GPC5: variants seen among roughly 807,000 people sequenced by gnomAD.
GPC5 encodes the protein glypican-5.
In GPC5, 47 loss-of-function variants were observed where a neutral mutation model predicts 53.9. That is an observed-to-expected ratio of 0.87 (90% CI 0.69 to 1.11). The LOEUF (loss-of-function observed/expected upper bound fraction) is 1.11. Ranked by LOEUF, GPC5 falls within the 50% of genes most tolerant of loss-of-function variation. The probability of loss-of-function intolerance (pLI) is 0.00; values close to 1 mark genes in which losing one functional copy is unlikely to be tolerated. For missense variants in GPC5, 748 were observed against 713.1 expected (o/e 1.05, Z -0.56); for synonymous variants, 286 against 263.3 (o/e 1.09, Z -0.84).
intron 7 of GPC5, among the ~76,000 whole-genome samples, chr13:92,564,634 A>G (rs186687354): frequency 6.6e-6 from 1 of 152,068 alleles, no homozygotes; most frequent in Non-Finnish European, 1.5e-5. Context: ...GGTAGTGAGC[A>G]GAGTACCCAA....
chr13:92,166,703 C>G (rs980330672), intron 7 of GPC5, among the ~76,000 whole-genome samples: 3 of 152,010 alleles, frequency 2.0e-5, no homozygotes, highest in African/African-American at 7.3e-5. Flanking sequence ...AATAGAATAC[C>G]CTTGATGAGT....
chr13:92,864,827 A>AT, intron 7 of GPC5, among the ~76,000 whole-genome samples: 1 of 152,302 alleles, frequency 6.6e-6, no homozygotes, highest in South Asian at 2.1e-4. Flanking sequence ...TAGTGCTCTC[A>AT]TGTCTGAATG....
intron 5 of GPC5, among the ~76,000 whole-genome samples, chr13:91,793,200 T>C (rs2037995844): frequency 6.6e-6 from 1 of 152,106 alleles, no homozygotes; most frequent in African/African-American, 2.4e-5. Flanking sequence ...ACATTCTTCT[T>C]CACATGGTGG....
At chr13:92,497,187 T>G (rs566077426) in intron 7 of GPC5, among the ~76,000 whole-genome samples, 1 of 152,348 alleles carries the variant, frequency 6.6e-6, no homozygotes, top group African/African-American at 2.4e-5. Context: ...CCAATGCCTG[T>G]GTCCTGATTG....
intron 7 of GPC5, chr13:92,240,105 C>G (rs924468977): frequency 8.6e-5 from 13 of 152,002 alleles, no homozygotes; most frequent in African/African-American, 3.1e-4. Flanking sequence ...CAGCAAAACT[C>G]CATGGTTATA....
At chr13:92,708,610 T>C (rs189182334) in intron 7 of GPC5, among the ~76,000 whole-genome samples, 1 of 152,120 alleles carries the variant, frequency 6.6e-6, no homozygotes, top group Admixed American at 6.6e-5. Flanking sequence ...AAATGTGTTA[T>C]AAAGAAAAGT....
intron 7 of GPC5, among the ~76,000 whole-genome samples, chr13:92,381,915 T>C (rs1395567409): frequency 7.3e-6 from 1 of 137,698 alleles, no homozygotes; most frequent in African/African-American, 2.7e-5. Flanking sequence ...ATATGATATA[T>C]ATAATCATAT....
At chr13:92,607,773 T>G (rs768864440) in intron 7 of GPC5, among the ~76,000 whole-genome samples, 14 of 152,312 alleles carry the variant, frequency 9.2e-5, no homozygotes, top group Non-Finnish European at 1.6e-4. Flanking sequence ...TTTTTTGTGG[T>G]GACAACACTT....
chr13:91,916,142 G>T (rs1182693923), intron 6 of GPC5, among the ~76,000 whole-genome samples: 2 of 152,098 alleles, frequency 1.3e-5, no homozygotes, highest in Non-Finnish European at 2.9e-5. Context: ...TAATAAAAAT[G>T]ACAGGTAATA....
chr13:92,273,502 A>G (rs2139158233), intron 7 of GPC5, among the ~76,000 whole-genome samples: 1 of 152,230 alleles, frequency 6.6e-6, no homozygotes, highest in Non-Finnish European at 1.5e-5. Flanking sequence ...ATAAGTGCAG[A>G]ATAAATGTTA....
chr13:92,311,760 C>T (rs1471899694), intron 7 of GPC5, among the ~76,000 whole-genome samples: 1 of 152,146 alleles, frequency 6.6e-6, no homozygotes, highest in Non-Finnish European at 1.5e-5. Context: ...GGGTCCATCC[C>T]ATGACATGTG....
chr13:91,903,423 T>A (rs1408573967), intron 5 of GPC5, among the ~76,000 whole-genome samples: 1 of 152,084 alleles, frequency 6.6e-6, no homozygotes, highest in Non-Finnish European at 1.5e-5. Flanking sequence ...ATGGTTAGAT[T>A]TAGCATACGT....
At chr13:92,697,971 T>C (rs560934656) in intron 7 of GPC5, among the ~76,000 whole-genome samples, 8 of 152,282 alleles carry the variant, frequency 5.3e-5, no homozygotes, top group Admixed American at 5.2e-4. Context: ...TTTTTGTCAC[T>C]GGTTCTGTTT....
intron 2 of GPC5, among the ~76,000 whole-genome samples, chr13:91,658,439 G>T (rs2034901449): frequency 6.6e-6 from 1 of 152,090 alleles, no homozygotes; most frequent in Non-Finnish European, 1.5e-5. Context: ...GATCTGTTAG[G>T]TTCCAAGATT....
chr13:91,465,641 T>C (rs1394318984), intron 2 of GPC5, among the ~76,000 whole-genome samples: 1 of 152,200 alleles, frequency 6.6e-6, no homozygotes, highest in Non-Finnish European at 1.5e-5. Context: ...TTCCATTTAA[T>C]TGGTGGTTTT....
intron 6 of GPC5, among the ~76,000 whole-genome samples, chr13:91,971,324 A>AT (rs1192287491): frequency 1.3e-5 from 2 of 151,800 alleles, no homozygotes; most frequent in Non-Finnish European, 2.9e-5. Context: ...CCCCTTTATC[A>AT]TTTTTTATTG....
chr13:92,476,236 C>A (rs1364148829), intron 7 of GPC5, among the ~76,000 whole-genome samples: 1 of 152,068 alleles, frequency 6.6e-6, no homozygotes, highest in African/African-American at 2.4e-5. Context: ...GGGCAAAGGA[C>A]ATGAACAGAC....
At chr13:92,610,405 G>A (rs939544753) in intron 7 of GPC5, among the ~76,000 whole-genome samples, 79 of 152,238 alleles carry the variant, frequency 5.2e-4, no homozygotes, top group African/African-American at 1.9e-3. Context: ...GCTAGGAGGA[G>A]TATCAAAGAA....
chr13:92,357,016 C>T (rs2043528013), intron 7 of GPC5, among the ~76,000 whole-genome samples: 1 of 148,108 alleles, frequency 6.8e-6, no homozygotes, highest in Admixed American at 6.6e-5. Context: ...TGGCCTTCAA[C>T]TCCATCCATG....
Sources: allele counts gnomAD v4.1 joint callset (sites outside exome capture counted in the v4.1 genomes callset), GRCh38; gene constraint gnomAD v4.1.1; transcripts MANE v1.5; gene names NCBI Gene and HGNC (gene_info 2026-07-23, HGNC 2026-07-21).